Variants in PTPRT observed in about 807,000 individuals in gnomAD.
The protein encoded by PTPRT is receptor-type tyrosine-protein phosphatase T.
A neutral mutation model predicts 176.8 loss-of-function variants in PTPRT; 56 were observed. The observed-to-expected ratio is 0.32, with a 90% confidence interval of 0.26 to 0.40. The LOEUF (loss-of-function observed/expected upper bound fraction) is 0.40. PTPRT is among the 10% of genes least tolerant of loss of function. The probability of loss-of-function intolerance (pLI) is 1.00; values close to 1 mark genes in which losing one functional copy is unlikely to be tolerated. For missense variants in PTPRT, 1,540 were observed against 1,908.2 expected (o/e 0.81, Z 3.60); for synonymous variants, 783 against 739.0 (o/e 1.06, Z -0.96).
intron 27 of PTPRT, among the ~76,000 whole-genome samples, chr20:42,096,224 G>A (rs1240829586): frequency 1.3e-5 from 2 of 152,070 alleles, no homozygotes; most frequent in East Asian, 1.9e-4. Flanking sequence ...TCTTTCCTCC[G>A]GCCTTTTACC....
At chr20:42,656,406 T>G (rs1600558711) in intron 7 of PTPRT, among the ~76,000 whole-genome samples, 1 of 152,266 alleles carries the variant, frequency 6.6e-6, no homozygotes, top group East Asian at 1.9e-4. Context: ...GACTTACAAG[T>G]AGTGATAAGA....
intron 6 of PTPRT, among the ~76,000 whole-genome samples, chr20:42,733,833 T>C (rs2076497589): frequency 6.6e-6 from 1 of 152,144 alleles, no homozygotes; most frequent in Non-Finnish European, 1.5e-5. Context: ...GGTCCAGATC[T>C]GGGGAGAAGC....
intron 7 of PTPRT, among the ~76,000 whole-genome samples, chr20:42,493,317 G>A (rs2071595124): frequency 6.6e-6 from 1 of 152,084 alleles, no homozygotes. Flanking sequence ...CTATGCCTCA[G>A]TTTACTCATT....
In PTPRT at chr20:42,603,793, G is replaced by A. The variant is rs990199261; in HGVS notation, c.1153+74073C>T. Among the ~76,000 whole-genome samples the A allele has an allele frequency of 7.2e-5, 11 of 152,178 alleles. No individual in the cohort carries two copies. The East Asian group carries it at 1.5e-3, about 21-fold the overall frequency. ...AGAATGACATTTCTTCTTTATCCCC[G>A]TAGATGTGTTTCCCAAGACATCCAG... On this transcript the variant is annotated intron_variant, in intron 7 of 30. Coordinates refer to ENST00000373187, the MANE Select transcript of PTPRT (RefSeq NM_007050.6).
intron 13 of PTPRT, among the ~76,000 whole-genome samples, chr20:42,252,872 A>G (rs1389746665): frequency 6.6e-6 from 1 of 152,262 alleles, no homozygotes; most frequent in Non-Finnish European, 1.5e-5. Context: ...CACAGACTTT[A>G]CACAGGAGGT....
chr20:42,627,840 C>T (rs771069030), intron 7 of PTPRT, among the ~76,000 whole-genome samples: 3 of 152,044 alleles, frequency 2.0e-5, no homozygotes, highest in Non-Finnish European at 4.4e-5. Context: ...CAGCCAGATG[C>T]TCCAGTGTGA....
intron 7 of PTPRT, among the ~76,000 whole-genome samples, chr20:42,587,959 C>T (rs1346879597): frequency 1.3e-5 from 2 of 152,146 alleles, no homozygotes; most frequent in Non-Finnish European, 2.9e-5. Context: ...AAAATACCTG[C>T]TGTCATGATG....
chr20:42,640,770 A>T (rs1433269905), intron 7 of PTPRT, among the ~76,000 whole-genome samples: 1 of 152,106 alleles, frequency 6.6e-6, no homozygotes, highest in African/African-American at 2.4e-5. Flanking sequence ...TACATTGAGG[A>T]TCACCATTCA....
intron 1 of PTPRT, among the ~76,000 whole-genome samples, chr20:43,123,630 C>T (rs947052683): frequency 1.3e-5 from 2 of 152,224 alleles, no homozygotes; most frequent in African/African-American, 4.8e-5. Context: ...TAAAGTGCCA[C>T]AAGACCAGCT....
intron 8 of PTPRT, among the ~76,000 whole-genome samples, chr20:42,462,721 G>A (rs1364075365): frequency 6.6e-6 from 1 of 152,058 alleles, no homozygotes; most frequent in African/African-American, 2.4e-5. Flanking sequence ...TAGAGCTCTT[G>A]TTTTGTTTTT....
intron 7 of PTPRT, among the ~76,000 whole-genome samples, chr20:42,562,486 C>A (rs1245408047): frequency 5.9e-5 from 9 of 152,220 alleles, no homozygotes; most frequent in Non-Finnish European, 5.9e-5. Flanking sequence ...TACAATACAA[C>A]AATGTATCCA....
At chr20:42,887,123 G>A in intron 1 of PTPRT, among the ~76,000 whole-genome samples, 1 of 152,134 alleles carries the variant, frequency 6.6e-6, no homozygotes, top group Non-Finnish European at 1.5e-5. Context: ...CCACCCCACA[G>A]AGAACCAATG....
intron 16 of PTPRT, among the ~76,000 whole-genome samples, chr20:42,167,625 T>C (rs1252746029): frequency 6.6e-6 from 1 of 152,088 alleles, no homozygotes; most frequent in African/African-American, 2.4e-5. Context: ...GACTGCTCAT[T>C]GAGAGGAGAG....
chr20:42,372,697 A>T (rs939741517), intron 9 of PTPRT, among the ~76,000 whole-genome samples: 4 of 152,174 alleles, frequency 2.6e-5, no homozygotes, highest in Non-Finnish European at 5.9e-5. Context: ...AAAAGATAAT[A>T]TTAAAAGGTG....
intron 7 of PTPRT, among the ~76,000 whole-genome samples, chr20:42,548,669 T>C (rs2072716353): frequency 6.6e-6 from 1 of 152,068 alleles, no homozygotes; most frequent in Non-Finnish European, 1.5e-5. Flanking sequence ...TTCAGTAAAA[T>C]AAGCAGAACA....
intron 1 of PTPRT, among the ~76,000 whole-genome samples, chr20:43,114,507 T>C (rs1024712845): frequency 1.3e-5 from 2 of 152,248 alleles, no homozygotes; most frequent in African/African-American, 4.8e-5. Flanking sequence ...CAGCACCTAC[T>C]ACATAGTCGG....
intron 11 of PTPRT, among the ~76,000 whole-genome samples, chr20:42,345,278 A>G (rs2058171373): frequency 6.6e-6 from 1 of 151,824 alleles, no homozygotes; most frequent in African/African-American, 2.4e-5. Flanking sequence ...GTCATACCAC[A>G]CAGCACACAT....
At chr20:42,730,426 G>A (rs2076443207) in intron 6 of PTPRT, among the ~76,000 whole-genome samples, 1 of 152,194 alleles carries the variant, frequency 6.6e-6, no homozygotes, top group African/African-American at 2.4e-5. Context: ...TTAGAAGCAA[G>A]AAGGATAAAG....
intron 2 of PTPRT, among the ~76,000 whole-genome samples, chr20:42,883,321 A>T (rs1040908146): frequency 6.6e-6 from 1 of 152,158 alleles, no homozygotes. Context: ...AGAGATGGAG[A>T]GGCTTGGGCA....
Sources: allele counts gnomAD v4.1 joint callset (sites outside exome capture counted in the v4.1 genomes callset), GRCh38; gene constraint gnomAD v4.1.1; transcripts MANE v1.5; gene names NCBI Gene and HGNC (gene_info 2026-07-23, HGNC 2026-07-21).